Variants in CRB1 observed in about 807,000 individuals in gnomAD.
CRB1 encodes the protein protein crumbs homolog 1.
A neutral mutation model predicts 120.0 loss-of-function variants in CRB1; 83 were observed. The ratio of observed to expected loss-of-function variants is 0.69; its 90% CI spans 0.58 to 0.83. CRB1 has a LOEUF of 0.83. CRB1 is among the 40% of genes least tolerant of loss of function. The pLI, the probability that CRB1 is intolerant of heterozygous loss-of-function variation, is 0.00. For synonymous variants in CRB1, 625 were observed against 612.5 expected, an observed-to-expected ratio of 1.02 and a Z score of -0.30; for missense variants, 1,699 against 1,687.6, an observed-to-expected ratio of 1.01 and a Z score of -0.12.
At chr1:197,296,508 A>C (rs780599899) in intron 1 of CRB1, among the ~76,000 whole-genome samples, 3 of 152,036 alleles carry the variant, frequency 2.0e-5, no homozygotes, top group Admixed American at 2.0e-4. Context: ...CAGATCCAGA[A>C]GTCAGTTGTA....
chr1:197,311,539 G>T (rs1019815208), intron 1 of CRB1, among the ~76,000 whole-genome samples: 11 of 152,184 alleles, frequency 7.2e-5, no homozygotes, highest in Admixed American at 1.3e-4. Flanking sequence ...TTTAACTCTT[G>T]TTGCAACTAC....
chr1:197,327,774 G>A (rs1658603025), intron 1 of CRB1, among the ~76,000 whole-genome samples: 1 of 152,144 alleles, frequency 6.6e-6, no homozygotes, highest in South Asian at 2.1e-4. Flanking sequence ...GTGTCTCTAG[G>A]GGAGGCAGGA....
In CRB1 at chr1:197,415,578, T is replaced by G. The variant is rs1571508278; in HGVS notation, c.1172-5422T>G. Among the ~76,000 whole-genome samples, 4 of 152,198 alleles carry G rather than the reference T, an allele frequency of 2.6e-5. No individual in the cohort carries two copies. In the South Asian group the frequency reaches 8.3e-4, roughly 32 times the overall value. ...TCGATGAGTGTTTTGTTTATTCACT[T>G]ATTTACACACACAAAGACCTCTTTT... On this transcript the variant is annotated intron_variant, in intron 5 of 11. Transcript: ENST00000367400.
chr1:197,368,527 T>C (rs910574977), intron 5 of CRB1, among the ~76,000 whole-genome samples: 1 of 152,228 alleles, frequency 6.6e-6, no homozygotes, highest in Non-Finnish European at 1.5e-5. Context: ...AAAATGATTT[T>C]TGTTGATTGC....
intron 5 of CRB1, among the ~76,000 whole-genome samples, chr1:197,364,815 C>G (rs567133531): frequency 6.6e-6 from 1 of 152,158 alleles, no homozygotes; most frequent in Admixed American, 6.5e-5. Context: ...CTTTTTAAAT[C>G]ATTTTTATGC....
chr1:197,231,787 T>C, the CRB1 span, among the ~76,000 whole-genome samples: 1 of 151,908 alleles, frequency 6.6e-6, no homozygotes, highest in Non-Finnish European at 1.5e-5. Context: ...GTGAGAGGAG[T>C]ACCAATATCA....
chr1:197,331,976 C>A (rs568683874), intron 2 of CRB1, among the ~76,000 whole-genome samples: 3 of 151,922 alleles, frequency 2.0e-5, no homozygotes, highest in Non-Finnish European at 4.4e-5. Flanking sequence ...AGATGGATAC[C>A]ACACTGGCCA....
At chr1:197,368,729 A>C (rs1437125792) in intron 5 of CRB1, among the ~76,000 whole-genome samples, 1 of 152,180 alleles carries the variant, frequency 6.6e-6, no homozygotes, top group Non-Finnish European at 1.5e-5. Flanking sequence ...GTAATCACAC[A>C]AGTAAGGGAA....
Position 197,336,636 on chromosome 1 carries a change from A to C in CRB1, c.652+7633A>C, listed in dbSNP as rs556861788. Among the ~76,000 whole-genome samples the C allele has an allele frequency of 1.4e-4, 21 of 152,348 alleles. 1 individual carries two copies. The East Asian group carries it at 3.9e-3, about 28-fold the overall frequency. Reference sequence around the variant, plus strand: ...AATGTTTGTTGAATGAGTGCACAAAATAACAAATATTCACTCAGCAAATAC... The same window carrying C: ...AATGTTTGTTGAATGAGTGCACAAACTAACAAATATTCACTCAGCAAATAC... On this transcript the variant is annotated intron_variant, in intron 2 of 11. Coordinates refer to ENST00000367400, the MANE Select transcript of CRB1 (RefSeq NM_201253.3).
chr1:197,450,903 T>TGAGCTGA (rs1665937990), intron 11 of CRB1, among the ~76,000 whole-genome samples: 1 of 123,664 alleles, frequency 8.1e-6, no homozygotes, highest in African/African-American at 3.2e-5. Flanking sequence ...GAGCTTGCGG[T>TGAGCTGA]GAGCTGAGAT....
At position 197,434,971 on chromosome 1, in the gene CRB1, A is replaced by G. The variant is rs2125499489; in HGVS notation, c.3108A>G (p.Glu1036=). The change falls in exon 9 of 12, where the codon GAA becomes GAG. Residue 1036 remains glutamate (E), a synonymous_variant. Coordinates refer to ENST00000367400, the MANE Select transcript of CRB1 (RefSeq NM_201253.3). ...LQSVNDGTWH[E]VTLSMTDPLS... ...CAGTGAATGATGGCACATGGCACGA[A>G]GTGACCCTTTCCATGACAGACCCAC... 1 of 1,614,004 alleles carries G rather than the reference A, an allele frequency of 6.2e-7. No individual in the cohort carries two copies. The highest frequency in any genetic ancestry group is 8.5e-7 in the Non-Finnish European group (1 of 1,179,904).
At chr1:197,327,091 CAAAAAAAAAAAAA>C (rs71131753) in intron 1 of CRB1, among the ~76,000 whole-genome samples, 3 of 25,700 alleles carry the variant, frequency 1.2e-4, no homozygotes, top group African/African-American at 2.0e-4. Flanking sequence ...TCTCACACAC[CAAAAAAAAAAAAA>C]AAAAAAAAAA....
chr1:197,457,590 G>C lies in CRB1; in HGVS notation c.4005+15298G>C, dbSNP rs1018781042. On this transcript the variant is annotated intron_variant, in intron 11 of 11. Coordinates refer to ENST00000367400, the MANE Select transcript of CRB1 (RefSeq NM_201253.3). Reference sequence around the variant, plus strand: ...CCTGGCAATCATTCCTGGCAGAGTAGTGCTTCACTATTTACCAAAGGACTA... The same window carrying C: ...CCTGGCAATCATTCCTGGCAGAGTACTGCTTCACTATTTACCAAAGGACTA... Among the ~76,000 whole-genome samples, 11 of 152,142 alleles carry C rather than the reference G, an allele frequency of 7.2e-5. No homozygotes were observed. The East Asian group carries it at 1.9e-3, about 27-fold the overall frequency.
the CRB1 span, among the ~76,000 whole-genome samples, chr1:197,244,854 T>C: frequency 6.6e-6 from 1 of 151,968 alleles, no homozygotes; most frequent in Non-Finnish European, 1.5e-5. Flanking sequence ...GCTTAGTGTA[T>C]TTTTTTCCTT....
chr1:197,216,637 A>C, the CRB1 span, among the ~76,000 whole-genome samples: 1 of 152,212 alleles, frequency 6.6e-6, no homozygotes, highest in Non-Finnish European at 1.5e-5. Flanking sequence ...ATATAGAGCT[A>C]GATTATTTAT....
chr1:197,300,749 C>CT (rs1270056192), intron 1 of CRB1, among the ~76,000 whole-genome samples: 1 of 152,158 alleles, frequency 6.6e-6, no homozygotes, highest in African/African-American at 2.4e-5. Context: ...AAGAAAATGC[C>CT]ATCTAGGACT....
In CRB1 at chr1:197,427,695, T is replaced by C. The variant is rs1664663329; in HGVS notation, c.2370T>C (p.Asp790=). The C allele has an allele frequency of 1.9e-6, 3 of 1,613,830 alleles. No individual in the cohort carries two copies. Reference sequence around the variant, plus strand: ...TAGTAGTAAAATTTGTTCTTAATGATGGAAATGTCCACTTGATATCTTTGA... The same window carrying C: ...TAGTAGTAAAATTTGTTCTTAATGACGGAAATGTCCACTTGATATCTTTGA... ...PKLVVKFVLN[D]GNVHLISLKI... Residue 790 remains aspartate (D), a synonymous_variant, in exon 7 of 12, where the codon GAT becomes GAC. Coordinates refer to ENST00000367400, the MANE Select transcript of CRB1 (RefSeq NM_201253.3).
intron 11 of CRB1, among the ~76,000 whole-genome samples, chr1:197,457,199 G>A (rs184059456): frequency 6.6e-6 from 1 of 152,002 alleles, no homozygotes; most frequent in East Asian, 1.9e-4. Context: ...TCCTAAGTAC[G>A]CCTCTATCAT....
chr1:197,323,249 A>G (rs904918472), intron 1 of CRB1, among the ~76,000 whole-genome samples: 3 of 152,180 alleles, frequency 2.0e-5, no homozygotes, highest in African/African-American at 7.2e-5. Context: ...TAGCACACTG[A>G]TAAGTCTCTA....
Sources: gnomAD v4.1 joint callset for allele counts (sites outside exome capture counted in the v4.1 genomes callset) on GRCh38, gnomAD v4.1.1 for gene constraint, MANE v1.5 for transcripts, NCBI Gene and HGNC (gene_info 2026-07-23, HGNC 2026-07-21) for gene names.